The following SEMA4D variants were observed in gnomAD, a reference collection of about 807,000 sequenced individuals.
SEMA4D encodes semaphorin 4D.
SEMA4D carries 22 observed loss-of-function variants against 74.8 expected under a neutral mutation model. The observed-to-expected ratio is 0.29, with a 90% confidence interval of 0.21 to 0.42. The LOEUF (loss-of-function observed/expected upper bound fraction) is 0.42. Ranked by LOEUF, SEMA4D falls within the 10% of genes least tolerant of loss-of-function variation. The pLI is 1.00. For missense variants in SEMA4D, 937 were observed against 1,118.4 expected, an observed-to-expected ratio of 0.84 and a Z score of 2.31; for synonymous variants, 445 against 463.7, an observed-to-expected ratio of 0.96 and a Z score of 0.52.
At chr9:89,429,000 TG>T (rs112626459) in intron 2 of SEMA4D, among the ~76,000 whole-genome samples, 282 of 151,984 alleles carry the variant, frequency 1.9e-3, no homozygotes, top group African/African-American at 6.1e-3. Flanking sequence ...TAGGTCCCTG[TG>T]GGGGGGGTCT....
At chr9:89,400,042 C>A (rs2133513017) in intron 4 of SEMA4D, among the ~76,000 whole-genome samples, 1 of 130,974 alleles carries the variant, frequency 7.6e-6, no homozygotes, top group South Asian at 2.5e-4. Flanking sequence ...AGTGACTCTA[C>A]AGTCCAGTTT....
intron 16 of SEMA4D, among the ~76,000 whole-genome samples, chr9:89,370,784 G>A (rs185792927): frequency 1.4e-5 from 2 of 143,476 alleles, no homozygotes; most frequent in South Asian, 4.6e-4. Context: ...GTGTGGGGTG[G>A]GGTGTATGTG....
At position 89,378,891 on chromosome 9, in the gene SEMA4D, T is replaced by G; in HGVS notation, c.2402A>C (p.Gln801Pro). ...TGGCTTGGGGTGCTCCCCATTCTGC[T>G]GGGAGAAGCTCCCTGGCTCTACTAA... ...ETLVEPGSFS[Q>P]QNGEHPKPAL... is the part of the protein sequence containing the mutation. Residue 801 changes from glutamine (Q) to proline (P), a missense_variant, in exon 16 of 16, where the codon CAG becomes CCG. Physicochemically the swap from Gln to Pro is moderately conservative, Grantham distance 76. Coordinates refer to ENST00000422704, the MANE Select transcript of SEMA4D (RefSeq NM_001371194.2). 6.2e-7 allele frequency: 1 copy of G among 1,614,230 alleles called. No homozygotes were observed. The highest frequency in any genetic ancestry group is 8.5e-7 in the Non-Finnish European group (1 of 1,180,044).
chr9:89,419,042 A>C (rs1846343491), intron 2 of SEMA4D, among the ~76,000 whole-genome samples: 1 of 136,166 alleles, frequency 7.3e-6, no homozygotes. Flanking sequence ...CGCCCTGTAC[A>C]CCCCTCCCCA....
intron 4 of SEMA4D, among the ~76,000 whole-genome samples, chr9:89,399,781 T>A (rs1343708282): frequency 1.3e-5 from 2 of 152,048 alleles, no homozygotes; most frequent in Non-Finnish European, 2.9e-5. Flanking sequence ...GCGGATCACC[T>A]GAGGTCAGGA....
chr9:89,454,858 GC>G (rs1165234813), intron 2 of SEMA4D, among the ~76,000 whole-genome samples: 5 of 152,244 alleles, frequency 3.3e-5, no homozygotes, highest in Non-Finnish European at 5.9e-5. Context: ...TGGGGCCCTG[GC>G]ACAGGACTCT....
intron 1 of SEMA4D, among the ~76,000 whole-genome samples, chr9:89,474,804 G>A (rs574683530): frequency 2.6e-5 from 4 of 152,196 alleles, no homozygotes; most frequent in African/African-American, 4.8e-5. Flanking sequence ...AAGCCTTTCC[G>A]TAGAGAAAGG....
chr9:89,459,033 G>A (rs1331335747), intron 1 of SEMA4D, among the ~76,000 whole-genome samples: 1 of 152,188 alleles, frequency 6.6e-6, no homozygotes, highest in East Asian at 1.9e-4. Flanking sequence ...CAAGGGAGCT[G>A]CAGCCCAGCA....
At chr9:89,466,445 C>T (rs1858729059) in intron 1 of SEMA4D, among the ~76,000 whole-genome samples, 1 of 152,162 alleles carries the variant, frequency 6.6e-6, no homozygotes, top group South Asian at 2.1e-4. Flanking sequence ...ACCTACAACA[C>T]CTGGGACACG....
intron 2 of SEMA4D, among the ~76,000 whole-genome samples, chr9:89,414,966 T>C (rs1845392511): frequency 6.6e-6 from 1 of 151,944 alleles, no homozygotes; most frequent in Non-Finnish European, 1.5e-5. Flanking sequence ...CAGAGGGCGG[T>C]GGGAGTGAAG....
At chr9:89,473,257 C>T (rs946196131) in intron 1 of SEMA4D, among the ~76,000 whole-genome samples, 4 of 152,154 alleles carry the variant, frequency 2.6e-5, no homozygotes, top group African/African-American at 7.2e-5. Flanking sequence ...AGCAGTGCTC[C>T]ATTCGGAGCT....
rs148272758 is a variant in SEMA4D, at chr9:89,454,625, G to T, written c.-244+1263C>A. Among the ~76,000 whole-genome samples, 320 of 152,354 alleles carry T rather than the reference G, an allele frequency of 2.1e-3. 1 individual carries two copies. Among genetic ancestry groups the T allele is most frequent in the African/African-American group, 6.8e-3 (281 of 41,580 alleles). ...CTGCTGGCCGAAGACGGTCCCTCCT[G>T]GGGCTACCGAGGGCACTTCCCACAC... is the stretch of plus-strand genomic sequence containing the variant. On this transcript the variant is annotated intron_variant, in intron 2 of 15. Transcript: ENST00000422704.
intron 2 of SEMA4D, among the ~76,000 whole-genome samples, chr9:89,444,963 C>T (rs557972109): frequency 3.5e-4 from 54 of 152,232 alleles, no homozygotes; most frequent in Non-Finnish European, 6.8e-4. Flanking sequence ...AGAACAGGGT[C>T]ACAACACACA....
At chr9:89,455,476 A>G (rs11999884) in intron 2 of SEMA4D, among the ~76,000 whole-genome samples, 30,175 of 152,050 alleles carry the variant, frequency 0.2, 3,428 homozygotes, top group Non-Finnish European at 0.25. Context: ...CAACAACCCA[A>G]TATGAACTCC....
At chr9:89,379,724 AC>A in intron 15 of SEMA4D, 95 bp from the exon 16 acceptor site, 1 of 1,387,822 alleles carries the variant, frequency 7.2e-7, no homozygotes, top group Non-Finnish European at 9.8e-7. Flanking sequence ...CAAGAGTTTC[AC>A]CCACTGTAGC....
At chr9:89,437,597 G>A (rs942167801) in intron 2 of SEMA4D, among the ~76,000 whole-genome samples, 1 of 151,926 alleles carries the variant, frequency 6.6e-6, no homozygotes, top group Non-Finnish European at 1.5e-5. Flanking sequence ...TGGGCTCAGT[G>A]ACACGGGCAC....
chr9:89,449,665 T>C (rs1282572067), intron 2 of SEMA4D: 3 of 1,502,776 alleles, frequency 2.0e-6, no homozygotes, highest in Non-Finnish European at 2.8e-6. Context: ...CGGTCCTTGG[T>C]GGACGCATCT....
intron 1 of SEMA4D, chr9:89,472,290 G>GT: frequency 2.5e-6 from 1 of 408,034 alleles, no homozygotes; most frequent in Non-Finnish European, 4.8e-6. Context: ...TCTGACTGTC[G>GT]TAAGAACTCG....
At chr9:89,370,931 TTG>T (rs1564496152) in intron 16 of SEMA4D, among the ~76,000 whole-genome samples, 1 of 126,146 alleles carries the variant, frequency 7.9e-6, no homozygotes, top group Non-Finnish European at 1.7e-5. Context: ...TGGGGGGGTG[TTG>T]TGTGTCTGGG....
Sources: allele counts gnomAD v4.1 joint callset (sites outside exome capture counted in the v4.1 genomes callset), GRCh38; gene constraint gnomAD v4.1.1; transcripts MANE v1.5; gene names NCBI Gene and HGNC (gene_info 2026-07-23, HGNC 2026-07-21).